The following DCAF8L2 variants were observed in gnomAD, a reference collection of about 807,000 sequenced individuals.
DCAF8L2 encodes the protein DDB1 and CUL4 associated factor 8 like 2, also known as DDB1- and CUL4-associated factor 8-like protein 2.
For missense variants in DCAF8L2, 430 were observed against 490.7 expected (o/e 0.88, Z 1.17); for synonymous variants, 200 against 190.9 (o/e 1.05, Z -0.39).
chrX:27,598,504 A>T (rs1926469142), intron 1 of DCAF8L2, among the ~76,000 whole-genome samples: 1 of 112,508 alleles, frequency 8.9e-6, no homozygotes, highest in Non-Finnish European at 1.9e-5. Context: ...CGGGCTGTAA[A>T]GTCACAAGGT....
intron 2 of DCAF8L2, among the ~76,000 whole-genome samples, chrX:27,646,252 T>C (rs1928931975): frequency 9.0e-6 from 1 of 110,911 alleles, no homozygotes; most frequent in African/African-American, 3.3e-5. Flanking sequence ...AATCCAGAAA[T>C]AAGCCCACAC....
the DCAF8L2 span, among the ~76,000 whole-genome samples, chrX:27,524,214 A>G: frequency 9.0e-6 from 1 of 111,359 alleles, no homozygotes; most frequent in Admixed American, 9.6e-5. Flanking sequence ...AGAGCCTGTT[A>G]TTGGTCTATT....
chrX:27,633,358 A>G (rs1290702161), intron 2 of DCAF8L2: 1 of 111,966 alleles, frequency 8.9e-6, no homozygotes, highest in East Asian at 2.8e-4. Context: ...GCTGTATTTA[A>G]TTTTCCAGGA....
rs1001849164 is a variant in DCAF8L2, at chrX:27,659,079, T to C, written c.-219-18757T>C. 3.6e-5 allele frequency among the ~76,000 whole-genome samples: 4 copies of C among 111,654 alleles called. No individual in the cohort carries two copies. The Admixed American group carries it at 3.8e-4, about 11-fold the overall frequency. On this transcript the variant is annotated intron_variant, in intron 2 of 4. Transcript: ENST00000451261. ...TCTCAAATGTACCCCTGAGAGGCCC[T>C]CTTCCATTTCTCCACCTGAAATCCT...
At chrX:27,613,275 G>A (rs1414684939) in intron 1 of DCAF8L2, among the ~76,000 whole-genome samples, 1 of 111,532 alleles carries the variant, frequency 9.0e-6, no homozygotes, top group African/African-American at 3.3e-5. Context: ...GTATAGGAAT[G>A]CTTGTAATTT....
intron 3 of DCAF8L2, among the ~76,000 whole-genome samples, chrX:27,689,701 G>GATTC (rs775744098): frequency 7.1e-5 from 8 of 112,521 alleles, no homozygotes; most frequent in Non-Finnish European, 1.3e-4. Context: ...CAATATAAAT[G>GATTC]ATTCATTCAT....
the DCAF8L2 span, among the ~76,000 whole-genome samples, chrX:27,498,038 G>A: frequency 8.9e-6 from 1 of 111,938 alleles, no homozygotes; most frequent in Non-Finnish European, 1.9e-5. Context: ...TTGTGTGTGT[G>A]TATATATATA....
At chrX:27,512,779 C>CA in the DCAF8L2 span, among the ~76,000 whole-genome samples, 144 of 18,539 alleles carry the variant, frequency 7.8e-3, 39 homozygotes, top group African/African-American at 9.7e-3. Flanking sequence ...CAATCTTGAG[C>CA]AAAAAAAAAA....
chrX:27,726,549 T>C (rs1394397062), intron 4 of DCAF8L2, among the ~76,000 whole-genome samples: 2 of 111,203 alleles, frequency 1.8e-5, no homozygotes, highest in Non-Finnish European at 1.9e-5. Flanking sequence ...AGAAATAATA[T>C]ATTACTGTTG....
At chrX:27,539,558 A>G in the DCAF8L2 span, among the ~76,000 whole-genome samples, 3 of 111,956 alleles carry the variant, frequency 2.7e-5, no homozygotes, top group Non-Finnish European at 5.6e-5. Flanking sequence ...TCATCTTTTT[A>G]AACTATATCT....
At chrX:27,582,356 C>T in the DCAF8L2 span, among the ~76,000 whole-genome samples, 1 of 111,064 alleles carries the variant, frequency 9.0e-6, no homozygotes, top group Non-Finnish European at 1.9e-5. Context: ...ACTAATGGCC[C>T]CTTTTCTTTT....
chrX:27,516,115 G>T, the DCAF8L2 span, among the ~76,000 whole-genome samples: 1 of 111,428 alleles, frequency 9.0e-6, no homozygotes, highest in Non-Finnish European at 1.9e-5. Flanking sequence ...AAATTTGAGT[G>T]TGTAACACCA....
chrX:27,483,987 T>A, the DCAF8L2 span, among the ~76,000 whole-genome samples: 1 of 111,781 alleles, frequency 8.9e-6, no homozygotes, highest in African/African-American at 3.2e-5. Context: ...ATCTTTCTGA[T>A]GTTTGGCATT....
chrX:27,737,663 T>A (rs907208515), intron 4 of DCAF8L2, among the ~76,000 whole-genome samples: 13 of 111,454 alleles, frequency 1.2e-4, no homozygotes, highest in Admixed American at 5.7e-4. Context: ...AGCATACATT[T>A]GGCTATTTTA....
chrX:27,606,736 T>A, intron 1 of DCAF8L2, among the ~76,000 whole-genome samples: 1 of 110,755 alleles, frequency 9.0e-6, no homozygotes, highest in East Asian at 2.9e-4. Context: ...AAATTTTGGT[T>A]AATTATTTCC....
chrX:27,699,509 T>C lies in DCAF8L2; in HGVS notation c.-142-16579T>C, dbSNP rs187444442. On this transcript the variant is annotated intron_variant, in intron 3 of 4. Coordinates refer to ENST00000451261, the MANE Select transcript of DCAF8L2 (RefSeq NM_001353450.2). The stretch of plus-strand genomic sequence containing the variant: ...GCACTGACAGAATGATATGACTTGG[T>C]TTCCATGGCAAAAAGTGGGTCTATA... 9.3e-4 allele frequency among the ~76,000 whole-genome samples: 104 copies of C among 111,469 alleles called. No individual in the cohort carries two copies. The East Asian group carries it at 0.021, about 23-fold the overall frequency.
chrX:27,636,113 G>A (rs746735946), intron 2 of DCAF8L2, among the ~76,000 whole-genome samples: 29 of 111,005 alleles, frequency 2.6e-4, no homozygotes, highest in Non-Finnish European at 4.9e-4. Context: ...CACCGTGCCC[G>A]GCCAGAAATT....
rs376743133 is a variant in DCAF8L2 at position 27,697,770 on chromosome X, CT to C, written c.-142-18315del. ...CTAATTAGTCAGTCAATGAATAACT[CT>C]TTATAATCAGGCTATCTACTAGGCA... On this transcript the variant is annotated intron_variant, in intron 3 of 4. Transcript: ENST00000451261. 4.7e-3 allele frequency among the ~76,000 whole-genome samples: 520 copies of C among 110,351 alleles called. 14 individuals are homozygous for C. Among genetic ancestry groups the C allele is most frequent in the African/African-American group, 0.016 (489 of 30,121 alleles).
chrX:27,573,645 C>T, the DCAF8L2 span, among the ~76,000 whole-genome samples: 61 of 111,082 alleles, frequency 5.5e-4, no homozygotes, highest in Non-Finnish European at 1.1e-3. Flanking sequence ...TTTTCACCAA[C>T]CCTTGAACTT....
Sources: gnomAD v4.1 joint callset for allele counts (sites outside exome capture counted in the v4.1 genomes callset) on GRCh38, gnomAD v4.1.1 for gene constraint, MANE v1.5 for transcripts, NCBI Gene and HGNC (gene_info 2026-07-23, HGNC 2026-07-21) for gene names.